The following BRD4 variants were observed in gnomAD, a reference collection of about 807,000 sequenced individuals.
BRD4 encodes the protein bromodomain-containing protein 4.
Under a neutral mutation model 142.1 loss-of-function variants are expected in BRD4, and 16 were observed. The observed-to-expected ratio is 0.11, with a 90% CI of 0.08 to 0.17. The LOEUF (loss-of-function observed/expected upper bound fraction) is 0.17, where lower values mean the gene tolerates loss of function less well. Ranked by LOEUF, BRD4 falls within the 10% of genes least tolerant of loss-of-function variation. The pLI is 1.00. For synonymous variants in BRD4, 833 were observed against 707.5 expected (o/e 1.18, Z -2.82); for missense variants, 1,424 against 1,810.9 (o/e 0.79, Z 3.88).
chr19:15,250,082 G>A (rs1419608292), intron 11 of BRD4, among the ~76,000 whole-genome samples: 3 of 152,156 alleles, frequency 2.0e-5, no homozygotes, highest in Non-Finnish European at 4.4e-5. Flanking sequence ...AGTCACGGAT[G>A]CAACCGACGT....
rs1032749180 is a variant in BRD4, at chr19:15,237,622, GAAAAAAAAGAAA to G, written c.*743_*754del. ...TAGAATTCAACAAAAAATATATATA[GAAAAAAAAGAAA>G]AAAAAAAACGAAACAGAAACACAGG... is the stretch of plus-strand genomic sequence containing the variant. On this transcript the variant is annotated 3_prime_UTR_variant, in exon 20 of 20. Transcript: ENST00000679869. The G allele has an allele frequency of 5.3e-6, 1 of 189,586 alleles. No homozygotes were observed. The highest frequency in any genetic ancestry group is 2.4e-5 in the African/African-American group (1 of 41,046). The allele number at this position is 189,586 out of a possible 1,614,324, so 11.7% of individuals were successfully genotyped here. A position where few individuals can be genotyped will look rare whatever the true frequency, so the allele number is the denominator to read the frequency against.
intron 1 of BRD4, among the ~76,000 whole-genome samples, chr19:15,309,305 T>G (rs1194001055): frequency 8.0e-6 from 1 of 125,786 alleles, no homozygotes; most frequent in Non-Finnish European, 1.5e-5. Flanking sequence ...GCCACTGTAC[T>G]CCAGCCTGGG....
chr19:15,272,508 C>T (rs980323927), intron 2 of BRD4, among the ~76,000 whole-genome samples: 3 of 152,212 alleles, frequency 2.0e-5, no homozygotes, highest in African/African-American at 7.2e-5. Context: ...AGTGCTCTGA[C>T]TTCAACTCAC....
rs567902275 is a variant in BRD4, at chr19:15,274,536, G to A, written c.-34-1403C>T. Among the ~76,000 whole-genome samples, 27 of 152,330 alleles carry A rather than the reference G, an allele frequency of 1.8e-4. No individual in the cohort carries two copies. In the South Asian group the frequency reaches 4.8e-3, roughly 27 times the overall value. ...AGCTGATGCTGCGCACCAAGCACAC[G>A]CCAGGTAAGTGATGGCAGGCAGGGG... On this transcript the variant is annotated intron_variant, in intron 1 of 19. Transcript: ENST00000679869.
chr19:15,325,339 G>T (rs904690200), intron 1 of BRD4, among the ~76,000 whole-genome samples: 3 of 152,154 alleles, frequency 2.0e-5, no homozygotes, highest in Non-Finnish European at 4.4e-5. Flanking sequence ...GATAGGACTG[G>T]ATGCCAAGAG....
chr19:15,275,059 A>G (rs2047631536), intron 1 of BRD4, among the ~76,000 whole-genome samples: 1 of 151,900 alleles, frequency 6.6e-6, no homozygotes, highest in South Asian at 2.1e-4. Context: ...GGGTTTCACC[A>G]TGTTGGCCAG....
At position 15,255,301 on chromosome 19, in the gene BRD4, A is replaced by C. The variant is rs1217855997; in HGVS notation, c.2043T>G (p.Pro681=). 6.2e-7 allele frequency: 1 copy of C among 1,611,860 alleles called. No individual in the cohort carries two copies. The highest frequency in any genetic ancestry group is 8.5e-7 in the Non-Finnish European group (1 of 1,178,306). ...VTSCLRKKRK[P]QAEKVDVIAG... ...GCCCAGGGGGCCCAAGCACACCTTG[A>C]GGTTTCCTTTTCTTCCGCAAACAGG... Residue 681 remains proline, a synonymous_variant, in exon 10 of 20, where the codon CCT becomes CCG. Coordinates refer to ENST00000679869, the MANE Select transcript of BRD4 (RefSeq NM_001379291.1).
At chr19:15,257,323 G>C (rs2047422516) in intron 7 of BRD4, 150 bp from the exon 8 acceptor site, 2 of 739,452 alleles carry the variant, frequency 2.7e-6, no homozygotes, top group African/African-American at 3.5e-5. Context: ...TGCCGAGACA[G>C]GGGCAAGGGC....
Position 15,255,441 on chromosome 19 carries a change from G to A in BRD4, c.1903C>T (p.His635Tyr), listed in dbSNP as rs1489038800. 2 of 1,614,064 alleles carry A rather than the reference G, an allele frequency of 1.2e-6. No homozygotes were observed. The highest frequency in any genetic ancestry group is 1.7e-6 in the Non-Finnish European group (2 of 1,180,046). ...GAGGGCTCCCGTGACTGGATGATGT[G>A]CACCACGCGGCCCAGCTTCTCGCCG... ...LPGEKLGRVV[H>Y]IIQSREPSLK... Residue 635 changes from histidine to tyrosine, a missense_variant, in exon 10 of 20, where the codon CAC becomes TAC. His to Tyr is a moderately conservative substitution (Grantham distance 83, BLOSUM62 2). Coordinates refer to ENST00000679869, the MANE Select transcript of BRD4 (RefSeq NM_001379291.1).
At position 15,259,543 on chromosome 19, in the gene BRD4, T is replaced by C. The variant is rs368645165; in HGVS notation, c.1342-2370A>G. Among the ~76,000 whole-genome samples, 31 of 152,210 alleles carry C rather than the reference T, an allele frequency of 2.0e-4. No homozygotes were observed. The East Asian group carries it at 3.1e-3, about 15-fold the overall frequency. ...AGTCAGCTAAGATGAGAAACTAACA[T>C]TGGTGGGACTGGGAACTGCCAGCTT... On this transcript the variant is annotated intron_variant, in intron 7 of 19. Coordinates refer to ENST00000679869, the MANE Select transcript of BRD4 (RefSeq NM_001379291.1).
chr19:15,261,999 C>A (rs910346491), intron 7 of BRD4, among the ~76,000 whole-genome samples: 3 of 152,222 alleles, frequency 2.0e-5, no homozygotes, highest in African/African-American at 7.2e-5. Context: ...ACAAACTTCA[C>A]AAGGGAAGTG....
Position 15,262,543 on chromosome 19 carries a change from GA to G in BRD4, c.1341+876del, listed in dbSNP as rs1306643347. ...TCTCTTTAAAAAAAAAAAAAAAAAA[GA>G]AAAAAAAAAAGAAAATAAACGAGGC... is the stretch of plus-strand genomic sequence containing the variant. On this transcript the variant is annotated intron_variant, in intron 7 of 19. Transcript: ENST00000679869. Among the ~76,000 whole-genome samples the G allele has an allele frequency of 1.4e-3, 172 of 118,642 alleles. 1 individual carries two copies. Among genetic ancestry groups the G allele is most frequent in the African/African-American group, 3.1e-3 (87 of 28,412 alleles). 77.8% of individuals were successfully genotyped at this position (118,642 alleles called of 152,430 possible).
At chr19:15,320,403 CG>C (rs1466664187) in intron 1 of BRD4, among the ~76,000 whole-genome samples, 2 of 152,030 alleles carry the variant, frequency 1.3e-5, no homozygotes, top group East Asian at 3.9e-4. Flanking sequence ...TTTGCAGGCA[CG>C]GAAGATAGAT....
In BRD4 at chr19:15,244,358, G is replaced by A. The variant is rs2145515915; in HGVS notation, c.2454C>T (p.Asp818=). 3.7e-6 allele frequency: 6 copies of A among 1,604,726 alleles called. No homozygotes were observed. The highest frequency in any genetic ancestry group is 5.1e-6 in the Non-Finnish European group (6 of 1,177,618). ...TGGGCTGGGTGAAGTGGCCGATGGGGTCAAAGACGCTGCCTGGGAGCTGGG... is the reference window on the plus strand; with the variant it reads ...TGGGCTGGGTGAAGTGGCCGATGGGATCAAAGACGCTGCCTGGGAGCTGGG... ...LEPQLPGSVF[D]PIGHFTQPIL... is the part of the protein sequence containing the mutation. Residue 818 remains aspartate, a synonymous_variant, in exon 13 of 20, where the codon GAC becomes GAT. Coordinates refer to ENST00000679869, the MANE Select transcript of BRD4 (RefSeq NM_001379291.1).
intron 11 of BRD4, among the ~76,000 whole-genome samples, chr19:15,249,486 T>C (rs2047321729): frequency 6.6e-6 from 1 of 152,130 alleles, no homozygotes; most frequent in South Asian, 2.1e-4. Flanking sequence ...ACCGCCCGCT[T>C]AGAAAGGTCA....
chr19:15,325,281 T>C (rs930593887), intron 1 of BRD4, among the ~76,000 whole-genome samples: 1 of 152,182 alleles, frequency 6.6e-6, no homozygotes, highest in African/African-American at 2.4e-5. Flanking sequence ...GAGGCCTGAA[T>C]GTGCCGTACT....
At chr19:15,308,851 T>C (rs1252775907) in intron 1 of BRD4, among the ~76,000 whole-genome samples, 1 of 149,480 alleles carries the variant, frequency 6.7e-6, no homozygotes, top group Non-Finnish European at 1.5e-5. Context: ...CCGTCTCTAC[T>C]AAAAATACAA....
intron 1 of BRD4, among the ~76,000 whole-genome samples, chr19:15,318,110 TCTTA>T (rs1459712716): frequency 2.4e-4 from 36 of 152,190 alleles, no homozygotes; most frequent in African/African-American, 8.0e-4. Context: ...ATCTTATTTC[TCTTA>T]ATTACAAAAT....
At position 15,328,281 on chromosome 19, in the gene BRD4, A is replaced by T. The variant is rs1302390390; in HGVS notation, c.-35+4009T>A. ...ATATTTAAAAATGTGTTCAATGTTTAAAAAAAAACTTAACAGGTTTTTATT... is the reference window on the plus strand; with the variant it reads ...ATATTTAAAAATGTGTTCAATGTTTTAAAAAAAACTTAACAGGTTTTTATT... On this transcript the variant is annotated intron_variant, in intron 1 of 19. Transcript: ENST00000679869. 4.0e-5 allele frequency among the ~76,000 whole-genome samples: 6 copies of T among 151,642 alleles called. 1 individual carries two copies. The highest frequency in any genetic ancestry group is 7.3e-5 in the African/African-American group (3 of 41,214).
Sources: gnomAD v4.1 joint callset for allele counts (sites outside exome capture counted in the v4.1 genomes callset) on GRCh38, gnomAD v4.1.1 for gene constraint, MANE v1.5 for transcripts, NCBI Gene and HGNC (gene_info 2026-07-23, HGNC 2026-07-21) for gene names.